Variants in PRELID2 observed in about 807,000 individuals in gnomAD.
PRELID2 encodes PRELI domain-containing protein 2.
PRELID2 carries 25 observed loss-of-function variants against 28.4 expected under a neutral mutation model. The observed-to-expected ratio is 0.88, with a 90% CI of 0.64 to 1.23. The LOEUF (loss-of-function observed/expected upper bound fraction) is 1.23. Among genes scored for constraint, PRELID2 ranks in the 50% most tolerant of loss-of-function variants. The pLI is 0.00. For synonymous variants in PRELID2, 76 were observed against 71.6 expected, an observed-to-expected ratio of 1.06 and a Z score of -0.31; for missense variants, 201 against 214.4, an observed-to-expected ratio of 0.94 and a Z score of 0.39.
intron 1 of PRELID2, among the ~76,000 whole-genome samples, chr5:145,630,463 C>A (rs1000198498): frequency 6.6e-6 from 1 of 152,178 alleles, no homozygotes; most frequent in African/African-American, 2.4e-5. Context: ...CAAGGAAGAA[C>A]TGTAAGACAA....
the PRELID2 span, among the ~76,000 whole-genome samples, chr5:145,287,733 A>G: frequency 2.0e-5 from 3 of 152,206 alleles, no homozygotes; most frequent in African/African-American, 7.2e-5. Context: ...ATGAATCAAT[A>G]CTGATACTAT....
Position 145,758,339 on chromosome 5 carries a change from C to G in PRELID2, c.*2197G>C, listed in dbSNP as rs184570883. 6.6e-6 allele frequency among the ~76,000 whole-genome samples: 1 copy of G among 152,014 alleles called. No individual in the cohort carries two copies. The highest frequency in any genetic ancestry group is 1.5e-5 in the Non-Finnish European group (1 of 68,026). ...TCCTGCTACAAAGATCCTTTCCAAC[C>G]ACAGAGATATTAAGAAAAAAATTAA... On this transcript the variant is annotated 3_prime_UTR_variant, in exon 7 of 7. Coordinates refer to ENST00000683046, the MANE Select transcript of PRELID2 (RefSeq NM_205846.3).
intron 1 of PRELID2, among the ~76,000 whole-genome samples, chr5:145,482,169 A>T (rs1752167909): frequency 6.6e-6 from 1 of 152,188 alleles, no homozygotes; most frequent in Admixed American, 6.5e-5. Flanking sequence ...AAGGGGAAAG[A>T]ACATGTAAGA....
At chr5:145,417,615 T>C in the PRELID2 span, among the ~76,000 whole-genome samples, 2 of 152,124 alleles carry the variant, frequency 1.3e-5, no homozygotes, top group African/African-American at 2.4e-5. Context: ...ATAAATGTGA[T>C]TCACCATATA....
the PRELID2 span, among the ~76,000 whole-genome samples, chr5:145,268,389 A>G: frequency 6.6e-6 from 1 of 152,122 alleles, no homozygotes; most frequent in African/African-American, 2.4e-5. Flanking sequence ...CCATTTATTG[A>G]AGAGACCGTC....
At chr5:145,701,554 T>C (rs1004849136) in intron 1 of PRELID2, among the ~76,000 whole-genome samples, 4 of 152,214 alleles carry the variant, frequency 2.6e-5, no homozygotes, top group Non-Finnish European at 5.9e-5. Flanking sequence ...GCAAAGAGGT[T>C]GGTGGAGGAG....
At chr5:145,482,752 T>A (rs2126618537) in intron 1 of PRELID2, among the ~76,000 whole-genome samples, 1 of 151,954 alleles carries the variant, frequency 6.6e-6, no homozygotes, top group Non-Finnish European at 1.5e-5. Context: ...GCCCTGAGCT[T>A]GTTTTCCTGC....
the PRELID2 span, among the ~76,000 whole-genome samples, chr5:145,321,973 G>T: frequency 1.3e-5 from 2 of 152,304 alleles, no homozygotes; most frequent in Non-Finnish European, 1.5e-5. Flanking sequence ...CTGAGGTTGA[G>T]ATTTATTTTG....
chr5:145,607,399 T>G (rs777530784), intron 1 of PRELID2, among the ~76,000 whole-genome samples: 1 of 152,150 alleles, frequency 6.6e-6, no homozygotes, highest in Non-Finnish European at 1.5e-5. Flanking sequence ...ATAAATTTGC[T>G]CTTACCACTG....
chr5:145,760,995 T>C (rs936064157), intron 6 of PRELID2, among the ~76,000 whole-genome samples: 2 of 152,218 alleles, frequency 1.3e-5, no homozygotes. Context: ...AAAAATCACC[T>C]TCTAAGCTTT....
the PRELID2 span, among the ~76,000 whole-genome samples, chr5:145,453,724 C>A: frequency 6.6e-6 from 1 of 152,162 alleles, no homozygotes; most frequent in Non-Finnish European, 1.5e-5. Context: ...GTTTGGTTTT[C>A]TGTTCCTGTG....
chr5:145,443,030 AG>A, the PRELID2 span, among the ~76,000 whole-genome samples: 3 of 151,962 alleles, frequency 2.0e-5, no homozygotes. Flanking sequence ...GCTCTCCACA[AG>A]GGTCGCATTC....
At chr5:145,445,954 T>C in the PRELID2 span, among the ~76,000 whole-genome samples, 3 of 151,970 alleles carry the variant, frequency 2.0e-5, no homozygotes, top group Non-Finnish European at 2.9e-5. Context: ...AACAGTAGAA[T>C]AGAGGATACT....
the PRELID2 span, among the ~76,000 whole-genome samples, chr5:145,280,772 C>A: frequency 4.4e-3 from 648 of 148,698 alleles, 2 homozygotes; most frequent in Middle Eastern, 0.031. Context: ...TCTTGTGGAA[C>A]CTTTTAGTAA....
chr5:145,573,195 A>G (rs1282269301), intron 1 of PRELID2, among the ~76,000 whole-genome samples: 3 of 151,794 alleles, frequency 2.0e-5, no homozygotes, highest in Non-Finnish European at 4.4e-5. Context: ...TCTTTATGCA[A>G]TCTCTCCACC....
At chr5:145,597,847 C>T (rs1753331874) in intron 1 of PRELID2, among the ~76,000 whole-genome samples, 2 of 152,076 alleles carry the variant, frequency 1.3e-5, no homozygotes, top group African/African-American at 4.8e-5. Flanking sequence ...TAAATATTTG[C>T]TCAATGAATT....
intron 1 of PRELID2, among the ~76,000 whole-genome samples, chr5:145,606,633 T>C (rs1038280692): frequency 6.6e-6 from 1 of 152,146 alleles, no homozygotes; most frequent in African/African-American, 2.4e-5. Flanking sequence ...TCATGGTGGA[T>C]TAAGTTTTTG....
At chr5:145,770,941 A>G (rs770822635) in intron 5 of PRELID2, among the ~76,000 whole-genome samples, 1 of 152,120 alleles carries the variant, frequency 6.6e-6, no homozygotes, top group Non-Finnish European at 1.5e-5. Context: ...GAATAAACAA[A>G]AGTATTTGTT....
At chr5:145,330,364 G>T in the PRELID2 span, among the ~76,000 whole-genome samples, 1 of 152,130 alleles carries the variant, frequency 6.6e-6, no homozygotes, top group Admixed American at 6.6e-5. Flanking sequence ...GCTCCTCTTT[G>T]TACCTCTAGT....
Sources: allele counts gnomAD v4.1 joint callset (sites outside exome capture counted in the v4.1 genomes callset), GRCh38; gene constraint gnomAD v4.1.1; transcripts MANE v1.5; gene names NCBI Gene and HGNC (gene_info 2026-07-23, HGNC 2026-07-21).